ABCC1: variants seen among roughly 807,000 people sequenced by gnomAD.
ABCC1 encodes ATP binding cassette subfamily C member 1 (ABCC1 blood group), also known as multidrug resistance-associated protein 1.
In ABCC1, 83 loss-of-function variants were observed where a neutral mutation model predicts 172.9. That is an observed-to-expected ratio of 0.48 (90% CI 0.40 to 0.58). The LOEUF (loss-of-function observed/expected upper bound fraction) is 0.58. Ranked by LOEUF, ABCC1 falls within the 20% of genes least tolerant of loss-of-function variation. ABCC1 has a pLI of 0.00. For synonymous variants in ABCC1, 937 were observed against 825.2 expected (o/e 1.14, Z -2.32); for missense variants, 1,817 against 2,002.7 (o/e 0.91, Z 1.77).
intron 5 of ABCC1, among the ~76,000 whole-genome samples, chr16:16,026,355 A>G (rs548097280): frequency 3.8e-4 from 53 of 138,518 alleles, no homozygotes; most frequent in African/African-American, 1.4e-3. Context: ...AACTGTTTCA[A>G]TTTGGGAAGC....
rs147744070 is a variant in ABCC1, at chr16:16,027,284, A to G, written c.616-5825A>G. Among the ~76,000 whole-genome samples, 8 of 152,160 alleles carry G rather than the reference A, an allele frequency of 5.3e-5. No homozygotes were observed. In the East Asian group the frequency reaches 1.5e-3, roughly 29 times the overall value. On this transcript the variant is annotated intron_variant, in intron 5 of 30. Coordinates refer to ENST00000399410, the MANE Select transcript of ABCC1 (RefSeq NM_004996.4). Reference sequence around the variant, plus strand: ...ATACTTGAGGCTTTGCATCCCATACACTGTCTGTGGCAACCCCTAACTCCG... The same window carrying G: ...ATACTTGAGGCTTTGCATCCCATACGCTGTCTGTGGCAACCCCTAACTCCG...
At chr16:16,014,729 C>G (rs1312968037) in intron 4 of ABCC1, 101 bp downstream of exon 4, 3 of 1,430,098 alleles carry the variant, frequency 2.1e-6, no homozygotes, top group Admixed American at 1.9e-5. Flanking sequence ...CCATGGGAAC[C>G]AGGGGCTGGG....
rs762937648 is a variant in ABCC1 at position 16,058,035 on chromosome 16, T to C, written c.1677+1740T>C. 4.6e-5 allele frequency among the ~76,000 whole-genome samples: 7 copies of C among 152,124 alleles called. No individual in the cohort carries two copies. The South Asian group carries it at 8.3e-4, about 18-fold the overall frequency. ...TCCCATTCCTTGCAAAAACAGGTTG[T>C]TCCCTGTTTTTTTTGCTGTTATGAT... is the stretch of plus-strand genomic sequence containing the variant. On this transcript the variant is annotated intron_variant, in intron 12 of 30. Transcript: ENST00000399410.
At chr16:16,079,922 T>TC (rs918795144) in intron 16 of ABCC1, among the ~76,000 whole-genome samples, 3 of 151,788 alleles carry the variant, frequency 2.0e-5, no homozygotes, top group Non-Finnish European at 4.4e-5. Flanking sequence ...CAAGCGATTC[T>TC]CCCTCAGCCT....
At chr16:15,961,945 T>C (rs1316034008) in intron 1 of ABCC1, among the ~76,000 whole-genome samples, 1 of 152,192 alleles carries the variant, frequency 6.6e-6, no homozygotes, top group African/African-American at 2.4e-5. Flanking sequence ...TGTAAATGAT[T>C]CAGCAGAATA....
intron 30 of ABCC1, among the ~76,000 whole-genome samples, 159 bp from the exon 31 acceptor site, chr16:16,141,014 G>T (rs537511763): frequency 1.3e-5 from 2 of 152,318 alleles, no homozygotes; most frequent in Admixed American, 1.3e-4. Context: ...TAGAAATAGG[G>T]ATTGAGGGTG....
intron 1 of ABCC1, among the ~76,000 whole-genome samples, chr16:15,986,986 G>A (rs1008851955): frequency 5.9e-5 from 9 of 152,076 alleles, no homozygotes; most frequent in Non-Finnish European, 1.2e-4. Context: ...ACAATGTGGC[G>A]AAACCCCATC....
chr16:16,111,555 G>T lies in ABCC1; in HGVS notation c.3052G>T (p.Val1018Phe). The change falls in exon 22 of 31, where the codon GTC becomes TTC. Residue 1018 changes from valine (V) to phenylalanine (F), a missense_variant. Val to Phe is a conservative substitution (Grantham distance 50, BLOSUM62 -1). Coordinates refer to ENST00000399410, the MANE Select transcript of ABCC1 (RefSeq NM_004996.4). Reference protein sequence around the residue: ...TQEHTKVRLSVYGALGISQGI... With the variant: ...TQEHTKVRLSFYGALGISQGI... ...GGAGCACACGAAAGTCCGGCTGAGC[G>T]TCTATGGAGCCCTGGGCATTTCACA... The T allele has an allele frequency of 6.2e-7, 1 of 1,613,684 alleles. No individual in the cohort carries two copies. The highest frequency in any genetic ancestry group is 1.8e-4 in the Middle Eastern group (1 of 5,694).
chr16:16,141,438 C>T lies in ABCC1; in HGVS notation c.*157C>T. ...AACATATTCAAAGCAGCAGCCACCGCCATCCGGTCCCCTGCCTGGAACTGG... is the reference window on the plus strand; with the variant it reads ...AACATATTCAAAGCAGCAGCCACCGTCATCCGGTCCCCTGCCTGGAACTGG... On this transcript the variant is annotated 3_prime_UTR_variant, in exon 31 of 31. Transcript: ENST00000399410. 2 of 645,390 alleles carry T rather than the reference C, an allele frequency of 3.1e-6. No individual in the cohort carries two copies. The highest frequency in any genetic ancestry group is 1.9e-5 in the South Asian group (1 of 51,878). 40.0% of individuals were successfully genotyped at this position (645,390 alleles called of 1,614,324 possible).
intron 16 of ABCC1, among the ~76,000 whole-genome samples, chr16:16,080,113 A>G (rs781776252): frequency 1.3e-5 from 2 of 152,024 alleles, no homozygotes; most frequent in Non-Finnish European, 2.9e-5. Flanking sequence ...GCATTTGGCC[A>G]CTTAAGAAAT....
At chr16:16,010,349 C>T (rs1205031201) in intron 3 of ABCC1, among the ~76,000 whole-genome samples, 3 of 152,170 alleles carry the variant, frequency 2.0e-5, no homozygotes, top group Non-Finnish European at 4.4e-5. Context: ...GCCCCAGCTG[C>T]AGTCTTTGGA....
intron 22 of ABCC1, among the ~76,000 whole-genome samples, chr16:16,112,022 AT>A (rs930812275): frequency 6.6e-6 from 1 of 152,126 alleles, no homozygotes; most frequent in African/African-American, 2.4e-5. Flanking sequence ...ATGTTTGACA[AT>A]ATCTGGAGAT....
chr16:15,955,950 G>C (rs2045987986), intron 1 of ABCC1, among the ~76,000 whole-genome samples: 1 of 152,136 alleles, frequency 6.6e-6, no homozygotes. Context: ...GATGCCCCAT[G>C]TAGTTGAAAA....
intron 3 of ABCC1, among the ~76,000 whole-genome samples, chr16:16,011,387 G>C (rs965146415): frequency 2.6e-5 from 4 of 152,126 alleles, no homozygotes; most frequent in Non-Finnish European, 5.9e-5. Context: ...GTGAAGGTTG[G>C]GGGGATAGAG....
chr16:15,958,989 C>G (rs1004138500), intron 1 of ABCC1, among the ~76,000 whole-genome samples: 1 of 152,172 alleles, frequency 6.6e-6, no homozygotes, highest in Non-Finnish European at 1.5e-5. Context: ...GAAAATGCCT[C>G]TAGATGTTTC....
At chr16:16,112,032 A>G (rs2052409772) in intron 22 of ABCC1, among the ~76,000 whole-genome samples, 1 of 152,108 alleles carries the variant, frequency 6.6e-6, no homozygotes, top group Non-Finnish European at 1.5e-5. Flanking sequence ...ATATCTGGAG[A>G]TGCTTTTGGT....
At chr16:15,986,289 T>A (rs2046742345) in intron 1 of ABCC1, among the ~76,000 whole-genome samples, 1 of 151,818 alleles carries the variant, frequency 6.6e-6, no homozygotes. Context: ...CCCTTATAAT[T>A]CCCTGTGATT....
chr16:15,949,737 G>T lies in ABCC1; in HGVS notation c.-15G>T. On this transcript the variant is annotated 5_prime_UTR_variant, in exon 1 of 31. Transcript: ENST00000399410. ...CACCCGCCGCCCGGTGCCCGCCGCC[G>T]CCCGCGCCACCGGCATGGCGCTCCG... is the stretch of plus-strand genomic sequence containing the variant. 8.6e-7 allele frequency: 1 copy of T among 1,166,972 alleles called. No homozygotes were observed. The allele number at this position is 1,166,972 out of a possible 1,614,324, so 72.3% of individuals were successfully genotyped here. A position where few individuals can be genotyped will look rare whatever the true frequency, so the allele number is the denominator to read the frequency against.
At chr16:16,069,153 A>AT (rs1367528244) in intron 13 of ABCC1, among the ~76,000 whole-genome samples, 9 of 136,496 alleles carry the variant, frequency 6.6e-5, no homozygotes, top group African/African-American at 2.5e-4. Context: ...AAAAAAAAAT[A>AT]AAATAAAATA....
Sources: gnomAD v4.1 joint callset for allele counts (sites outside exome capture counted in the v4.1 genomes callset) on GRCh38, gnomAD v4.1.1 for gene constraint, MANE v1.5 for transcripts, NCBI Gene and HGNC (gene_info 2026-07-23, HGNC 2026-07-21) for gene names.